The following NRG4 variants were observed in gnomAD, a reference collection of about 807,000 sequenced individuals.
The protein encoded by NRG4 is pro-neuregulin-4, membrane-bound isoform.
In NRG4, 10 loss-of-function variants were observed where a neutral mutation model predicts 15.0. The observed-to-expected ratio is 0.67, with a 90% confidence interval of 0.41 to 1.13. The LOEUF (loss-of-function observed/expected upper bound fraction) is 1.13. NRG4 is among the 50% of genes most tolerant of loss of function. The probability of loss-of-function intolerance (pLI) is 0.00; values close to 1 mark genes in which losing one functional copy is unlikely to be tolerated. For missense variants in NRG4, 139 were observed against 140.2 expected, an observed-to-expected ratio of 0.99 and a Z score of 0.04; for synonymous variants, 41 against 50.1, an observed-to-expected ratio of 0.82 and a Z score of 0.77.
chr15:75,968,690 C>G (rs2141828390), intron 3 of NRG4, among the ~76,000 whole-genome samples: 1 of 151,778 alleles, frequency 6.6e-6, no homozygotes, highest in East Asian at 1.9e-4. Flanking sequence ...GGCTTGAGGC[C>G]AGGAGTTTGA....
intron 5 of NRG4, among the ~76,000 whole-genome samples, chr15:75,955,602 ACT>A (rs528541053): frequency 9.2e-4 from 140 of 152,034 alleles, no homozygotes; most frequent in African/African-American, 3.4e-3. Flanking sequence ...TACAGGTAAA[ACT>A]CTTCTTCCTC....
Position 75,941,737 on chromosome 15 carries a change from G to GT in NRG4, c.*1900dup, listed in dbSNP as rs1448393050. ...AGAGACAAAGTAGAACAAAGATTAC[G>GT]TTTTGTCACAGGGAGCAGGAGGGAA... On this transcript the variant is annotated 3_prime_UTR_variant, in exon 6 of 6. Transcript: ENST00000394907. The GT allele has an allele frequency of 6.6e-6, 1 of 152,070 alleles. No individual in the cohort carries two copies. Among genetic ancestry groups the GT allele is most frequent in the East Asian group, 1.9e-4 (1 of 5,186 alleles). 9.4% of individuals were successfully genotyped at this position (152,070 alleles called of 1,614,324 possible).
intron 2 of NRG4, among the ~76,000 whole-genome samples, chr15:76,055,768 G>T (rs2036137170): frequency 6.6e-6 from 1 of 152,136 alleles, no homozygotes; most frequent in South Asian, 2.1e-4. Flanking sequence ...TTTCATGGAG[G>T]ACTATTTTAT....
At chr15:76,056,780 G>A (rs1202691937) in intron 2 of NRG4, among the ~76,000 whole-genome samples, 1 of 152,138 alleles carries the variant, frequency 6.6e-6, no homozygotes, top group Non-Finnish European at 1.5e-5. Context: ...TATCTCAAGA[G>A]AACAAAAGCT....
chr15:75,959,094 A>G (rs1037973512), intron 4 of NRG4: 1 of 387,046 alleles, frequency 2.6e-6, no homozygotes, highest in South Asian at 1.9e-5. Flanking sequence ...CGATCTTCCC[A>G]TCTCAGCCTC....
chr15:76,042,979 CATGG>C (rs2141955777), intron 4 of NRG4, among the ~76,000 whole-genome samples: 2 of 152,224 alleles, frequency 1.3e-5, no homozygotes, highest in African/African-American at 4.8e-5. Context: ...AGATTTATCC[CATGG>C]ATGCAAGGAT....
At chr15:75,953,318 A>G (rs931385964) in intron 5 of NRG4, among the ~76,000 whole-genome samples, 4 of 152,206 alleles carry the variant, frequency 2.6e-5, no homozygotes, top group African/African-American at 9.6e-5. Flanking sequence ...TAAAAAATGC[A>G]TTTACTATAA....
intron 3 of NRG4, among the ~76,000 whole-genome samples, chr15:75,991,329 CATTTTCT>C (rs1272929305): frequency 6.6e-6 from 1 of 152,142 alleles, no homozygotes; most frequent in Non-Finnish European, 1.5e-5. Flanking sequence ...ATTTTATATA[CATTTTCT>C]ATGTCAAAAT....
chr15:76,023,360 G>A (rs1400951878), intron 5 of NRG4, among the ~76,000 whole-genome samples: 6 of 152,160 alleles, frequency 3.9e-5, no homozygotes, highest in Admixed American at 2.0e-4. Context: ...TGTCTGCCAT[G>A]CCTGGATCAG....
intron 5 of NRG4, 105 bp from the exon 6 acceptor site, chr15:75,943,759 C>G (rs1014069415): frequency 6.7e-6 from 5 of 748,566 alleles, no homozygotes; most frequent in Non-Finnish European, 9.1e-6. Flanking sequence ...ATAAGCCAAC[C>G]CCTTCTGTTT....
chr15:76,000,720 G>A (rs1242074240), intron 3 of NRG4, among the ~76,000 whole-genome samples: 1 of 152,062 alleles, frequency 6.6e-6, no homozygotes, highest in African/African-American at 2.4e-5. Flanking sequence ...TTATGTGCAA[G>A]GTAAAAAATT....
rs1030224286 is a variant in NRG4, at chr15:76,051,568, T to C, written c.-105+499A>G. Among the ~76,000 whole-genome samples, 50 of 147,638 alleles carry C rather than the reference T, an allele frequency of 3.4e-4. 1 individual carries two copies. Among genetic ancestry groups the C allele is most frequent in the African/African-American group, 1.2e-3 (47 of 39,294 alleles). Reference sequence around the variant, plus strand: ...TAACATATAATTGAACAATCTTCTTTTTTTTTTTTTTTTGAGACAGAGTCT... The same window carrying C: ...TAACATATAATTGAACAATCTTCTTCTTTTTTTTTTTTTGAGACAGAGTCT... On this transcript the variant is annotated intron_variant, in intron 4 of 8. Transcript: ENST00000563910.
rs773776692 is a variant in NRG4 at position 75,961,995 on chromosome 15, T to TA, written c.105-22dup. 6 of 1,578,436 alleles carry TA rather than the reference T, an allele frequency of 3.8e-6. No individual in the cohort carries two copies. In the Admixed American group the frequency reaches 1.1e-4, roughly 29 times the overall value. ...CGCACCTACAGAATAAAATTTTAGATAAAGAATTGCATTCTGTGTTTCATT... is the reference window on the plus strand; with the variant it reads ...CGCACCTACAGAATAAAATTTTAGATAAAAGAATTGCATTCTGTGTTTCATT... On this transcript the variant is annotated intron_variant, in intron 3 of 5. Coordinates refer to ENST00000394907, the MANE Select transcript of NRG4 (RefSeq NM_138573.4).
At chr15:76,041,123 G>A (rs2035725732) in intron 4 of NRG4, among the ~76,000 whole-genome samples, 1 of 152,026 alleles carries the variant, frequency 6.6e-6, no homozygotes, top group Non-Finnish European at 1.5e-5. Flanking sequence ...GATAGTATTT[G>A]CAAGCTTTAT....
intron 3 of NRG4, among the ~76,000 whole-genome samples, chr15:75,963,859 C>T (rs962872156): frequency 6.6e-6 from 1 of 151,814 alleles, no homozygotes; most frequent in Non-Finnish European, 1.5e-5. Context: ...GGGAAGATCG[C>T]TTAAGCCTAG....
intron 3 of NRG4, among the ~76,000 whole-genome samples, chr15:75,985,037 G>A (rs1390707618): frequency 6.6e-6 from 1 of 152,054 alleles, no homozygotes; most frequent in East Asian, 1.9e-4. Context: ...TAGAGACTAG[G>A]TTTCACCATG....
chr15:75,977,555 T>C lies in NRG4; in HGVS notation c.105-15581A>G, dbSNP rs1595979682. 6.6e-6 allele frequency among the ~76,000 whole-genome samples: 1 copy of C among 152,174 alleles called. No homozygotes were observed. Among genetic ancestry groups the C allele is most frequent in the East Asian group, 1.9e-4 (1 of 5,174 alleles). On this transcript the variant is annotated intron_variant, in intron 3 of 5. Transcript: ENST00000394907. The surrounding 1 kb of genome is among the most constrained non-coding windows in gnomAD (Gnocchi z 4.9). ...CCTCACAGTCCCTTGGCACTTCCCT[T>C]GGCTAGGGGAGGGAATTCCCCCAAC...
intron 5 of NRG4, among the ~76,000 whole-genome samples, chr15:75,949,064 A>C (rs1030621153): frequency 1.3e-5 from 2 of 152,180 alleles, no homozygotes; most frequent in Non-Finnish European, 2.9e-5. Context: ...CAAACAAAGA[A>C]GTCTACAATT....
chr15:75,978,258 C>G (rs761801356), intron 3 of NRG4, among the ~76,000 whole-genome samples: 41 of 152,174 alleles, frequency 2.7e-4, no homozygotes, highest in Non-Finnish European at 4.4e-4. Context: ...TCCCTGAGAT[C>G]AATATTTTTT....
Sources: allele counts gnomAD v4.1 joint callset (sites outside exome capture counted in the v4.1 genomes callset), GRCh38; gene constraint gnomAD v4.1.1; non-coding constraint Gnocchi (gnomAD v3.1); transcripts MANE v1.5; gene names NCBI Gene and HGNC (gene_info 2026-07-23, HGNC 2026-07-21).